CPAP: variants seen among roughly 807,000 people sequenced by gnomAD.
CPAP encodes the protein centrosome assembly and centriole elongation protein, also known as centrosomal P4.1-associated protein.
chr13:24,916,962 C>T, the CPAP span, among the ~76,000 whole-genome samples: 1 of 152,120 alleles, frequency 6.6e-6, no homozygotes, highest in Admixed American at 6.6e-5. Flanking sequence ...CAAAAAAATA[C>T]ATTTACGGCC....
the CPAP span, among the ~76,000 whole-genome samples, chr13:24,915,973 A>G: frequency 2.6e-5 from 4 of 152,238 alleles, no homozygotes; most frequent in Non-Finnish European, 5.9e-5. Context: ...AGCAAAGGTC[A>G]TGAGAACTTC....
At chr13:24,894,255 G>A in the CPAP span, among the ~76,000 whole-genome samples, 1 of 152,254 alleles carries the variant, frequency 6.6e-6, no homozygotes, top group Non-Finnish European at 1.5e-5. Context: ...GTGGAGCGAC[G>A]CCACAGGGAC....
chr13:24,931,829 T>C, the CPAP span, among the ~76,000 whole-genome samples: 4 of 152,256 alleles, frequency 2.6e-5, no homozygotes, highest in African/African-American at 7.2e-5. Context: ...CCCTTGCGAA[T>C]CCCTTGCATT....
chr13:24,914,680 G>A, the CPAP span, among the ~76,000 whole-genome samples: 1 of 152,156 alleles, frequency 6.6e-6, no homozygotes, highest in Non-Finnish European at 1.5e-5. Context: ...GAGTTCTGAG[G>A]TGGCAGGATT....
the CPAP span, chr13:24,924,658 A>T: frequency 3.3e-4 from 50 of 152,224 alleles, no homozygotes; most frequent in African/African-American, 1.2e-3. Flanking sequence ...TGCTGTAGAG[A>T]AAAATTAGAC....
the CPAP span, among the ~76,000 whole-genome samples, chr13:24,927,381 C>T: frequency 2.6e-5 from 4 of 152,164 alleles, no homozygotes; most frequent in Admixed American, 1.3e-4. Context: ...ATAGAACCAG[C>T]AGACAGCCCT....
the CPAP span, among the ~76,000 whole-genome samples, chr13:24,915,581 A>C: frequency 6.6e-6 from 1 of 152,232 alleles, no homozygotes; most frequent in East Asian, 1.9e-4. Flanking sequence ...AGGCGGGTGG[A>C]TCACCTAAGG....
At chr13:24,894,449 G>A in the CPAP span, among the ~76,000 whole-genome samples, 3 of 152,216 alleles carry the variant, frequency 2.0e-5, no homozygotes, top group South Asian at 2.1e-4. Context: ...GCAGACGGCC[G>A]CGATGAGGCC....
At chr13:24,913,514 A>G in the CPAP span, among the ~76,000 whole-genome samples, 1 of 152,168 alleles carries the variant, frequency 6.6e-6, no homozygotes, top group African/African-American at 2.4e-5. Flanking sequence ...TTCTAGCACA[A>G]AAGTCAACAC....
the CPAP span, among the ~76,000 whole-genome samples, chr13:24,890,438 G>A: frequency 3.8e-3 from 584 of 151,974 alleles, 2 homozygotes; most frequent in African/African-American, 0.014. Flanking sequence ...ACGGGTCCTC[G>A]ACCCCCAGTG....
the CPAP span, among the ~76,000 whole-genome samples, chr13:24,913,426 A>G: frequency 1.3e-5 from 2 of 151,392 alleles, no homozygotes; most frequent in Non-Finnish European, 2.9e-5. Flanking sequence ...GATATTACCC[A>G]CACTAAGCAC....
chr13:24,885,587 T>C, the CPAP span: 3 of 1,567,866 alleles, frequency 1.9e-6, no homozygotes, highest in Non-Finnish European at 2.6e-6. Context: ...TTGAAGAATA[T>C]ATAAAAACAG....
the CPAP span, among the ~76,000 whole-genome samples, chr13:24,884,681 T>C: frequency 6.6e-6 from 1 of 152,194 alleles, no homozygotes; most frequent in Non-Finnish European, 1.5e-5. Context: ...AAGAAAACCT[T>C]CCCTTATCAA....
the CPAP span, among the ~76,000 whole-genome samples, chr13:24,903,672 G>C: frequency 6.6e-6 from 1 of 152,148 alleles, no homozygotes; most frequent in African/African-American, 2.4e-5. Flanking sequence ...ACCACTTGAA[G>C]GTACCATAGC....
the CPAP span, among the ~76,000 whole-genome samples, chr13:24,916,297 T>TA: frequency 1.3e-5 from 2 of 152,086 alleles, no homozygotes; most frequent in African/African-American, 4.8e-5. Context: ...ACTTTATCAA[T>TA]ATAATACAGC....
the CPAP span, chr13:24,883,433 A>T: frequency 7.5e-7 from 1 of 1,330,628 alleles, no homozygotes; most frequent in Non-Finnish European, 1.0e-6. Flanking sequence ...ACAACAGAAA[A>T]ACTACTGAAA....
chr13:24,923,850 A>G, the CPAP span, among the ~76,000 whole-genome samples: 1 of 151,530 alleles, frequency 6.6e-6, no homozygotes, highest in Non-Finnish European at 1.5e-5. Flanking sequence ...ATTTTTTGAG[A>G]TGGAGTCTCG....
chr13:24,885,566 G>A, the CPAP span: 1 of 1,427,576 alleles, frequency 7.0e-7, no homozygotes, highest in Admixed American at 1.7e-5. Context: ...TCAAGCCTAA[G>A]TAATGTATGT....
chr13:24,912,981 G>T, the CPAP span: 1 of 1,614,050 alleles, frequency 6.2e-7, no homozygotes, highest in African/African-American at 1.3e-5. Flanking sequence ...GGGTTAGGAA[G>T]TTCTGCCCAC....
Sources: gnomAD v4.1 joint callset for allele counts (sites outside exome capture counted in the v4.1 genomes callset) on GRCh38, gnomAD v4.1.1 for gene constraint, MANE v1.5 for transcripts, NCBI Gene and HGNC (gene_info 2026-07-23, HGNC 2026-07-21) for gene names.